The following CEP89 variants were observed in gnomAD, a reference collection of about 807,000 sequenced individuals.
CEP89 encodes the protein centrosomal protein 89, also known as centrosomal protein of 89 kDa.
A neutral mutation model predicts 97.6 loss-of-function variants in CEP89; 95 were observed. The observed-to-expected ratio is 0.97, with a 90% CI of 0.82 to 1.15. The LOEUF (loss-of-function observed/expected upper bound fraction) is 1.15, where lower values mean the gene tolerates loss of function less well. Among genes scored for constraint, CEP89 ranks in the 50% most tolerant of loss-of-function variants. The pLI is 0.00. For missense variants in CEP89, 869 were observed against 947.7 expected (o/e 0.92, Z 1.09); for synonymous variants, 354 against 349.1 (o/e 1.01, Z -0.16).
At chr19:32,922,385 T>G (rs753759053) in intron 12 of CEP89, among the ~76,000 whole-genome samples, 76 of 151,612 alleles carry the variant, frequency 5.0e-4, no homozygotes, top group Non-Finnish European at 8.8e-4. Context: ...CTACAAAAAA[T>G]TTTAAAAAAT....
At chr19:32,967,095 G>A (rs532875463) in intron 1 of CEP89, among the ~76,000 whole-genome samples, 5 of 152,128 alleles carry the variant, frequency 3.3e-5, no homozygotes, top group Non-Finnish European at 7.3e-5. Flanking sequence ...CCAAAGTGTT[G>A]GGATTATAGG....
At position 32,876,889 on chromosome 19, in the gene CEP89, G is replaced by A. The variant is rs1028420503; in HGVS notation, c.*2273C>T. 2 of 152,228 alleles carry A rather than the reference G, an allele frequency of 1.3e-5. No individual in the cohort carries two copies. Among genetic ancestry groups the A allele is most frequent in the Non-Finnish European group, 2.9e-5 (2 of 68,044 alleles). 9.4% of individuals were successfully genotyped at this position (152,228 alleles called of 1,614,324 possible). A position where few individuals can be genotyped will look rare whatever the true frequency, so the allele number is the denominator to read the frequency against. ...AAAGCAGAAACATAAGAACAAAAGT[G>A]GACACTTCTCAAAAGAATAAAATGT... On this transcript the variant is annotated 3_prime_UTR_variant, in exon 19 of 19. Transcript: ENST00000305768.
intron 7 of CEP89, among the ~76,000 whole-genome samples, chr19:32,935,335 G>T (rs571350822): frequency 1.3e-5 from 2 of 152,140 alleles, no homozygotes; most frequent in South Asian, 2.1e-4. Context: ...ACCCCAAGAG[G>T]TATCAAACAG....
intron 16 of CEP89, among the ~76,000 whole-genome samples, chr19:32,891,825 AAGAGAGAGAGAAACAG>A (rs1447741517): frequency 6.6e-6 from 1 of 151,180 alleles, no homozygotes; most frequent in Non-Finnish European, 1.5e-5. Context: ...GAGAGAGAGA[AAGAGAGAGAGAAACAG>A]AGAGAGAGAG....
At position 32,901,274 on chromosome 19, in the gene CEP89, G is replaced by A. The variant is rs761903654; in HGVS notation, c.1704C>T (p.Ala568=). The change falls in exon 15 of 19, where the codon GCC becomes GCT. Residue 568 remains alanine, a synonymous_variant. Transcript: ENST00000305768. ...SLTEQNKALE[A]ELERAQKINR... ...TGATTTTCTGTGCTCGTTCAAGTTCGGCTTCCAGTGCTTTGTTTTGCTCTG... is the reference window on the plus strand; with the variant it reads ...TGATTTTCTGTGCTCGTTCAAGTTCAGCTTCCAGTGCTTTGTTTTGCTCTG... The A allele has an allele frequency of 2.1e-5, 34 of 1,612,956 alleles. No homozygotes were observed. Among genetic ancestry groups the A allele is most frequent in the Middle Eastern group, 1.7e-4 (1 of 6,052 alleles).
At position 32,953,603 on chromosome 19, in the gene CEP89, C is replaced by A. The variant is rs2145958665; in HGVS notation, c.492+12G>T. ...TGAATGTCAAGAAGAAAACTGGGAA[C>A]ATAGAAAACACCTGATTTCTGTGTG... On this transcript the variant is annotated intron_variant, in intron 4 of 18. Coordinates refer to ENST00000305768, the MANE Select transcript of CEP89 (RefSeq NM_032816.5). 1 of 1,583,926 alleles carries A rather than the reference C, an allele frequency of 6.3e-7. No individual in the cohort carries two copies. The highest frequency in any genetic ancestry group is 1.1e-5 in the South Asian group (1 of 88,802).
chr19:32,957,544 T>C (rs1346214311), intron 3 of CEP89, among the ~76,000 whole-genome samples: 8 of 152,150 alleles, frequency 5.3e-5, no homozygotes, highest in Admixed American at 1.3e-4. Context: ...GCACAGTGGT[T>C]CATGCCTGTC....
chr19:32,917,322 G>C (rs984493382), intron 13 of CEP89, among the ~76,000 whole-genome samples: 16 of 152,174 alleles, frequency 1.1e-4, no homozygotes, highest in African/African-American at 3.9e-4. Context: ...ATCACATGGA[G>C]GAAACTCCTG....
chr19:32,926,327 C>G (rs1970356752), intron 10 of CEP89, 54 bp from the exon 11 acceptor site: 1 of 1,289,378 alleles, frequency 7.8e-7, no homozygotes, highest in African/African-American at 1.5e-5. Context: ...TAAACACAAC[C>G]AGAAAATTTT....
chr19:32,915,674 ACTTTGGG>A (rs1250998753), intron 13 of CEP89, among the ~76,000 whole-genome samples, 157 bp from the exon 14 acceptor site: 2 of 152,096 alleles, frequency 1.3e-5, no homozygotes, highest in Admixed American at 6.6e-5. Context: ...TAATCCCAGC[ACTTTGGG>A]AGGCTGAGGC....
intron 3 of CEP89, among the ~76,000 whole-genome samples, chr19:32,955,399 C>T (rs1971025229): frequency 6.6e-6 from 1 of 152,144 alleles, no homozygotes; most frequent in South Asian, 2.1e-4. Flanking sequence ...GGGTTTTTTT[C>T]CTTCACTTTC....
At chr19:32,902,038 G>GTGTGTGTGTA (rs1432568417) in intron 14 of CEP89, among the ~76,000 whole-genome samples, 2 of 151,510 alleles carry the variant, frequency 1.3e-5, no homozygotes, top group Non-Finnish European at 2.9e-5. Context: ...GTGTGTGTGT[G>GTGTGTGTGTA]TGTGTGTATG....
chr19:32,921,850 A>G (rs1198748808), intron 12 of CEP89, among the ~76,000 whole-genome samples: 1 of 152,206 alleles, frequency 6.6e-6, no homozygotes, highest in East Asian at 1.9e-4. Context: ...GGTGACCACA[A>G]AATCAGGGAG....
At chr19:32,909,663 T>G (rs980669528) in intron 14 of CEP89, among the ~76,000 whole-genome samples, 38 of 152,112 alleles carry the variant, frequency 2.5e-4, no homozygotes, top group African/African-American at 7.5e-4. Context: ...TTACCAGAAT[T>G]TAAAAAATAT....
At chr19:32,962,013 C>A (rs943285380) in intron 2 of CEP89, among the ~76,000 whole-genome samples, 2 of 149,646 alleles carry the variant, frequency 1.3e-5, no homozygotes, top group Non-Finnish European at 3.0e-5. Flanking sequence ...ATAGCCTTAC[C>A]ATCAAATGGT....
rs139359708 is a variant in CEP89, at chr19:32,912,791, C to A, written c.1565+2546G>T. Among the ~76,000 whole-genome samples, 429 of 151,786 alleles carry A rather than the reference C, an allele frequency of 2.8e-3. 2 individuals are homozygous for A. The highest frequency in any genetic ancestry group is 1.0e-2 in the African/African-American group (414 of 41,414). ...GGCGCGGTGGCTCATGCCTGTAATC[C>A]CAGCACTTTGGGAGGCTGAGGCGGG... is the stretch of plus-strand genomic sequence containing the variant. On this transcript the variant is annotated intron_variant, in intron 14 of 18. Transcript: ENST00000305768.
intron 17 of CEP89, among the ~76,000 whole-genome samples, chr19:32,884,237 T>C (rs1969347080): frequency 6.6e-6 from 1 of 152,208 alleles, no homozygotes; most frequent in Non-Finnish European, 1.5e-5. Flanking sequence ...TCTTGGCATA[T>C]GTTAAGATTT....
At chr19:32,880,426 T>C (rs1007998270) in intron 18 of CEP89, among the ~76,000 whole-genome samples, 2 of 151,942 alleles carry the variant, frequency 1.3e-5, no homozygotes, top group Non-Finnish European at 2.9e-5. Context: ...TTAAACTATG[T>C]CTAAAAAAGC....
At chr19:32,941,435 A>G (rs1245165719) in intron 5 of CEP89, among the ~76,000 whole-genome samples, 2 of 152,132 alleles carry the variant, frequency 1.3e-5, no homozygotes, top group African/African-American at 4.8e-5. Flanking sequence ...TTTGGGAGGC[A>G]GAGGTTGCAG....
Sources: allele counts gnomAD v4.1 joint callset (sites outside exome capture counted in the v4.1 genomes callset), GRCh38; gene constraint gnomAD v4.1.1; transcripts MANE v1.5; gene names NCBI Gene and HGNC (gene_info 2026-07-23, HGNC 2026-07-21).